The following ASIC5 variants were observed in gnomAD, a reference collection of about 807,000 sequenced individuals.
ASIC5 encodes the protein acid sensing ion channel subunit family member 5.
A neutral mutation model predicts 51.2 loss-of-function variants in ASIC5; 52 were observed. The ratio of observed to expected loss-of-function variants is 1.02; its 90% CI spans 0.81 to 1.28. The LOEUF (loss-of-function observed/expected upper bound fraction) is 1.28, where lower values mean the gene tolerates loss of function less well. Among genes scored for constraint, ASIC5 ranks in the 50% most tolerant of loss-of-function variants. ASIC5 has a pLI of 0.00. For synonymous variants in ASIC5, 231 were observed against 200.7 expected (o/e 1.15, Z -1.28); for missense variants, 635 against 595.0 (o/e 1.07, Z -0.70).
At chr4:155,850,426 G>T (rs1741354807) in intron 4 of ASIC5, among the ~76,000 whole-genome samples, 1 of 152,014 alleles carries the variant, frequency 6.6e-6, no homozygotes, top group South Asian at 2.1e-4. Flanking sequence ...GTTGTGCCCT[G>T]ACTACCCCGG....
In ASIC5 at chr4:155,829,822, C is replaced by T. The variant is rs1740833225; in HGVS notation, c.*34G>A. ...TTAGTCAAGATAAATCTGAAGGTAT[C>T]ATGAAAAGGAAACTATTTTATTCTA... On this transcript the variant is annotated 3_prime_UTR_variant, in exon 10 of 10. Transcript: ENST00000537611. 2 of 1,336,082 alleles carry T rather than the reference C, an allele frequency of 1.5e-6. No individual in the cohort carries two copies. The highest frequency in any genetic ancestry group is 2.0e-6 in the Non-Finnish European group (2 of 991,142). 82.8% of individuals were successfully genotyped at this position (1,336,082 alleles called of 1,614,324 possible).
At chr4:155,834,480 C>T (rs1476160345) in intron 8 of ASIC5, among the ~76,000 whole-genome samples, 1 of 152,110 alleles carries the variant, frequency 6.6e-6, no homozygotes, top group African/African-American at 2.4e-5. Flanking sequence ...AGTTGAACAA[C>T]CCCTGAGTCC....
intron 7 of ASIC5, among the ~76,000 whole-genome samples, chr4:155,837,839 C>T (rs959799239): frequency 6.6e-6 from 1 of 152,100 alleles, no homozygotes; most frequent in Non-Finnish European, 1.5e-5. Context: ...ATAATACTCT[C>T]TCACACACAC....
chr4:155,844,706 G>A (rs756773029), intron 4 of ASIC5, among the ~76,000 whole-genome samples: 1 of 151,992 alleles, frequency 6.6e-6, no homozygotes, highest in Non-Finnish European at 1.5e-5. Context: ...CCACTCCAAA[G>A]AAATAAAGCA....
At chr4:155,842,772 T>G (rs1012091214) in intron 5 of ASIC5, among the ~76,000 whole-genome samples, 53 of 152,174 alleles carry the variant, frequency 3.5e-4, no homozygotes, top group African/African-American at 1.1e-3. Flanking sequence ...TTAGTTCAGC[T>G]AAAACTGGGC....
intron 2 of ASIC5, among the ~76,000 whole-genome samples, chr4:155,859,166 G>A (rs1225794290): frequency 6.6e-6 from 1 of 151,992 alleles, no homozygotes; most frequent in East Asian, 1.9e-4. Context: ...CTTTGGCATC[G>A]TGAGTTGGGG....
chr4:155,848,581 C>G (rs751832326), intron 4 of ASIC5, among the ~76,000 whole-genome samples: 3 of 151,984 alleles, frequency 2.0e-5, no homozygotes, highest in Non-Finnish European at 4.4e-5. Context: ...ATTTCCTTGT[C>G]AATTGTGTCT....
chr4:155,859,893 G>C (rs1741651624), intron 2 of ASIC5, among the ~76,000 whole-genome samples: 1 of 151,932 alleles, frequency 6.6e-6, no homozygotes, highest in South Asian at 2.1e-4. Flanking sequence ...TTTGCTTCAG[G>C]GGAAGACTCC....
In ASIC5 at chr4:155,838,860, A is replaced by T. The variant is rs750893665; in HGVS notation, c.1019T>A (p.Ile340Lys). 6.4e-7 allele frequency: 1 copy of T among 1,565,820 alleles called. No homozygotes were observed. Among genetic ancestry groups the T allele is most frequent in the Admixed American group, 1.7e-5 (1 of 59,026 alleles). The change falls in exon 7 of 10, where the codon ATA becomes AAA. Residue 340 changes from isoleucine (I) to lysine (K), a missense_variant. Physicochemically the swap from Ile to Lys is moderately radical, Grantham distance 102. Transcript: ENST00000537611. ...GAAGTACTTTTGTAGGTCACATTCT[A>T]TCCCATATCCTTAAAAATAATAAGT... ...CVPFLLPGYG[I>K]ECDLQKYFSC...
chr4:155,856,513 G>A (rs1245565947), intron 2 of ASIC5, among the ~76,000 whole-genome samples: 1 of 152,030 alleles, frequency 6.6e-6, no homozygotes, highest in Non-Finnish European at 1.5e-5. Flanking sequence ...GCTAGCCCAG[G>A]TCCTAAAACT....
intron 2 of ASIC5, chr4:155,859,009 A>C (rs1371204873): frequency 6.6e-6 from 1 of 151,974 alleles, no homozygotes; most frequent in East Asian, 1.9e-4. Flanking sequence ...TACAGTAAGG[A>C]TCTTGGGGCC....
intron 2 of ASIC5, among the ~76,000 whole-genome samples, chr4:155,860,499 G>A (rs1270621998): frequency 6.6e-6 from 1 of 151,804 alleles, no homozygotes; most frequent in Non-Finnish European, 1.5e-5. Flanking sequence ...GCAATGCTGA[G>A]TATAATGTTT....
chr4:155,862,545 C>T (rs769503865), intron 2 of ASIC5, among the ~76,000 whole-genome samples: 3 of 152,082 alleles, frequency 2.0e-5, no homozygotes, highest in Non-Finnish European at 4.4e-5. Flanking sequence ...TCACCACAGG[C>T]AATTACAAAG....
chr4:155,863,371 C>T, intron 2 of ASIC5, 77 bp downstream of exon 2: 1 of 1,187,742 alleles, frequency 8.4e-7, no homozygotes, highest in Non-Finnish European at 1.2e-6. Flanking sequence ...CATGAGAAAA[C>T]TCTTTGTCAG....
chr4:155,836,926 A>G lies in ASIC5; in HGVS notation c.1067-69T>C, dbSNP rs947112135. ...TTCATCATGGGTAGGATAGTTTTATAAAGTTTATCATTTCACTTTCAATAT... is the reference window on the plus strand; with the variant it reads ...TTCATCATGGGTAGGATAGTTTTATGAAGTTTATCATTTCACTTTCAATAT... On this transcript the variant is annotated intron_variant, in intron 7 of 9. Coordinates refer to ENST00000537611, the MANE Select transcript of ASIC5 (RefSeq NM_017419.3). 5.1e-6 allele frequency: 6 copies of G among 1,187,032 alleles called. No individual in the cohort carries two copies. The African/African-American group carries it at 9.4e-5, about 19-fold the overall frequency. 73.5% of individuals were successfully genotyped at this position (1,187,032 alleles called of 1,614,324 possible). A position where few individuals can be genotyped will look rare whatever the true frequency, so the allele number is the denominator to read the frequency against.
chr4:155,863,419 C>G, intron 2 of ASIC5, 29 bp downstream of exon 2: 1 of 1,528,162 alleles, frequency 6.5e-7, no homozygotes, highest in Non-Finnish European at 8.9e-7. Flanking sequence ...TTTATAGGAA[C>G]TAATTATTTT....
chr4:155,846,560 G>A (rs1489333404), intron 4 of ASIC5, among the ~76,000 whole-genome samples: 1 of 152,090 alleles, frequency 6.6e-6, no homozygotes, highest in Non-Finnish European at 1.5e-5. Flanking sequence ...CCAAAGTCCA[G>A]GAATGAACAA....
At chr4:155,849,108 C>A (rs997183519) in intron 4 of ASIC5, among the ~76,000 whole-genome samples, 3 of 152,084 alleles carry the variant, frequency 2.0e-5, no homozygotes, top group Admixed American at 1.3e-4. Context: ...AAGGCTTTTA[C>A]TGGAATGGTG....
chr4:155,860,843 C>T (rs568786345), intron 2 of ASIC5, among the ~76,000 whole-genome samples: 1 of 151,888 alleles, frequency 6.6e-6, no homozygotes, highest in African/African-American at 2.4e-5. Context: ...AGATCATAGG[C>T]TATTAAGTAT....
Sources: allele counts gnomAD v4.1 joint callset (sites outside exome capture counted in the v4.1 genomes callset), GRCh38; gene constraint gnomAD v4.1.1; transcripts MANE v1.5; gene names NCBI Gene and HGNC (gene_info 2026-07-23, HGNC 2026-07-21).